Variants in BCAS3 observed in about 807,000 individuals in gnomAD.
BCAS3 encodes the protein BCAS3 microtubule associated cell migration factor, also known as BCAS4/BCAS3 fusion.
BCAS3 carries 53 observed loss-of-function variants against 116.1 expected under a neutral mutation model. That is an observed-to-expected ratio of 0.46 (90% CI 0.37 to 0.57). BCAS3 has a LOEUF of 0.57. BCAS3 is among the 20% of genes least tolerant of loss of function. The pLI is 0.00. For synonymous variants in BCAS3, 391 were observed against 408.2 expected, an observed-to-expected ratio of 0.96 and a Z score of 0.51; for missense variants, 917 against 1,165.4, an observed-to-expected ratio of 0.79 and a Z score of 3.10.
chr17:61,123,897 A>C (rs887632718), intron 22 of BCAS3, among the ~76,000 whole-genome samples: 2 of 152,212 alleles, frequency 1.3e-5, no homozygotes, highest in Non-Finnish European at 1.5e-5. Flanking sequence ...TGAGAGAAGA[A>C]TGACCACTAA....
At chr17:60,767,662 T>C (rs189831565) in intron 6 of BCAS3, among the ~76,000 whole-genome samples, 8 of 152,288 alleles carry the variant, frequency 5.3e-5, no homozygotes, top group Admixed American at 1.3e-4. Context: ...TCTTTTTTTA[T>C]TGGACTCTGT....
Position 61,104,528 on chromosome 17 carries a change from C to T in BCAS3, c.2425+19964C>T, listed in dbSNP as rs930492702. Among the ~76,000 whole-genome samples the T allele has an allele frequency of 5.3e-5, 8 of 152,068 alleles. No homozygotes were observed. The highest frequency in any genetic ancestry group is 1.9e-4 in the African/African-American group (8 of 41,402). ...AACCTTTGGGGATTGAGATATATGC[C>T]TTTCAGATCTGCACTTCATCTCATA... On this transcript the variant is annotated intron_variant, in intron 22 of 23. Transcript: ENST00000407086. The surrounding 1 kb of genome is among the most constrained non-coding windows in gnomAD (Gnocchi z 4.1).
At chr17:60,811,651 G>A (rs2048835502) in intron 7 of BCAS3, among the ~76,000 whole-genome samples, 1 of 152,102 alleles carries the variant, frequency 6.6e-6, no homozygotes, top group South Asian at 2.1e-4. Flanking sequence ...TAAAGGAAAG[G>A]GTTATAGCAA....
intron 22 of BCAS3, among the ~76,000 whole-genome samples, chr17:61,338,283 T>A (rs1297368684): frequency 6.6e-6 from 1 of 152,188 alleles, no homozygotes; most frequent in Non-Finnish European, 1.5e-5. Context: ...ATTGCAGTAT[T>A]TTTGGCCACC....
intron 22 of BCAS3, among the ~76,000 whole-genome samples, chr17:61,271,466 C>T (rs937498073): frequency 3.0e-5 from 3 of 99,726 alleles, no homozygotes; most frequent in Non-Finnish European, 5.7e-5. Context: ...CTCTGTTACC[C>T]AGGCTGGAGT....
In BCAS3 at chr17:61,028,600, C is replaced by T; in HGVS notation, c.1638-6066C>T. On this transcript the variant is annotated intron_variant, in intron 16 of 23. Coordinates refer to ENST00000407086, the MANE Select transcript of BCAS3 (RefSeq NM_017679.5). This position sits in a 1 kb window ranked among gnomAD's most constrained non-coding sequence, Gnocchi z 4.3. ...TGCATAGAAGTAAAAGATGGAATAA[C>T]AACTGTTGTATGTTAAGTAAGTAAA... Among the ~76,000 whole-genome samples, 1 of 151,866 alleles carries T rather than the reference C, an allele frequency of 6.6e-6. No homozygotes were observed. The highest frequency in any genetic ancestry group is 1.9e-4 in the East Asian group (1 of 5,190).
At chr17:60,775,945 G>T (rs1351763043) in intron 6 of BCAS3, among the ~76,000 whole-genome samples, 2 of 152,176 alleles carry the variant, frequency 1.3e-5, no homozygotes, top group Non-Finnish European at 2.9e-5. Context: ...CTAATTCTTT[G>T]TACTCAGTGC....
At chr17:61,341,022 T>A (rs1422063990) in intron 22 of BCAS3, among the ~76,000 whole-genome samples, 3 of 152,118 alleles carry the variant, frequency 2.0e-5, no homozygotes, top group Non-Finnish European at 4.4e-5. Flanking sequence ...GGTCAGGGCC[T>A]GAGAGGCCAG....
intron 1 of BCAS3, among the ~76,000 whole-genome samples, chr17:60,678,950 G>T (rs1369531979): frequency 6.6e-6 from 1 of 152,182 alleles, no homozygotes; most frequent in Non-Finnish European, 1.5e-5. Context: ...CAGGATGGGC[G>T]CGGTGGCTCA....
At chr17:60,721,179 A>G (rs909018297) in intron 5 of BCAS3, among the ~76,000 whole-genome samples, 9 of 152,082 alleles carry the variant, frequency 5.9e-5, no homozygotes, top group Non-Finnish European at 5.9e-5. Flanking sequence ...TGGGAGTAAT[A>G]TAAAGTTAGT....
At chr17:61,283,455 GAT>G (rs1491328302) in intron 22 of BCAS3, among the ~76,000 whole-genome samples, 2 of 146,826 alleles carry the variant, frequency 1.4e-5, no homozygotes, top group African/African-American at 5.2e-5. Flanking sequence ...AAAGTAAATT[GAT>G]TTTTTTTTTT....
chr17:61,329,708 G>A (rs1357019792), intron 22 of BCAS3, among the ~76,000 whole-genome samples: 1 of 152,124 alleles, frequency 6.6e-6, no homozygotes, highest in Non-Finnish European at 1.5e-5. Context: ...TGAGAGGGCA[G>A]GAATGGTGAC....
At position 61,122,202 on chromosome 17, in the gene BCAS3, C is replaced by T. The variant is rs1291582494; in HGVS notation, c.2425+37638C>T. On this transcript the variant is annotated intron_variant, in intron 22 of 23. Coordinates refer to ENST00000407086, the MANE Select transcript of BCAS3 (RefSeq NM_017679.5). The surrounding 1 kb of genome is among the most constrained non-coding windows in gnomAD (Gnocchi z 4.6). Reference sequence around the variant, plus strand: ...ATCATACACATGCATCTTCCAGTGACGCATTTGAAATGGTGAAATCTGATT... The same window carrying T: ...ATCATACACATGCATCTTCCAGTGATGCATTTGAAATGGTGAAATCTGATT... Among the ~76,000 whole-genome samples the T allele has an allele frequency of 2.6e-5, 4 of 152,136 alleles. No individual in the cohort carries two copies. Among genetic ancestry groups the T allele is most frequent in the Admixed American group, 6.5e-5 (1 of 15,286 alleles).
intron 22 of BCAS3, among the ~76,000 whole-genome samples, chr17:61,129,330 CTTTACA>C (rs2076210243): frequency 6.6e-6 from 1 of 152,162 alleles, no homozygotes; most frequent in Admixed American, 6.5e-5. Flanking sequence ...CATTATTCAC[CTTTACA>C]TTTTTAACAT....
At chr17:60,984,520 A>G (rs112719044) in intron 14 of BCAS3, among the ~76,000 whole-genome samples, 7,138 of 152,152 alleles carry the variant, frequency 0.047, 226 homozygotes, top group Middle Eastern at 0.13. Flanking sequence ...GTAGTTATGT[A>G]TATTTATGGA....
intron 6 of BCAS3, among the ~76,000 whole-genome samples, chr17:60,763,889 A>G (rs2043808633): frequency 6.6e-6 from 1 of 152,184 alleles, no homozygotes; most frequent in African/African-American, 2.4e-5. Context: ...TTATCGGTCT[A>G]TTCAGAGATT....
At chr17:61,230,108 G>C (rs538130165) in intron 22 of BCAS3, among the ~76,000 whole-genome samples, 163 of 151,752 alleles carry the variant, frequency 1.1e-3, no homozygotes, top group African/African-American at 3.6e-3. Context: ...CTGGGTGACA[G>C]AGCGAGACTC....
intron 5 of BCAS3, chr17:60,727,432 C>G (rs1241124696): frequency 6.3e-7 from 1 of 1,592,716 alleles, no homozygotes; most frequent in Non-Finnish European, 8.6e-7. Context: ...GAGGCTGATG[C>G]TTGCCACACT....
At position 61,361,486 on chromosome 17, in the gene BCAS3, C is replaced by G. The variant is rs1383114398; in HGVS notation, c.2426-6841C>G. ...ACATAATATAATATCTGATCTATAT[C>G]TATATCTATCTCACTGTGGGAGAAC... On this transcript the variant is annotated intron_variant, in intron 22 of 23. Coordinates refer to ENST00000407086, the MANE Select transcript of BCAS3 (RefSeq NM_017679.5). This position sits in a 1 kb window ranked among gnomAD's most constrained non-coding sequence, Gnocchi z 6.5. 6.6e-6 allele frequency among the ~76,000 whole-genome samples: 1 copy of G among 152,090 alleles called. No individual in the cohort carries two copies. The highest frequency in any genetic ancestry group is 2.4e-5 in the African/African-American group (1 of 41,422).
Sources: gnomAD v4.1 joint callset for allele counts (sites outside exome capture counted in the v4.1 genomes callset) on GRCh38, gnomAD v4.1.1 for gene constraint, Gnocchi (gnomAD v3.1) non-coding constraint, MANE v1.5 for transcripts, NCBI Gene and HGNC (gene_info 2026-07-23, HGNC 2026-07-21) for gene names.